Variants in RAI14 observed in about 807,000 individuals in gnomAD.
RAI14 encodes the protein ankycorbin.
In RAI14, 45 loss-of-function variants were observed where a neutral mutation model predicts 115.4. That is an observed-to-expected ratio of 0.39 (90% CI 0.31 to 0.50). RAI14 has a LOEUF of 0.50. RAI14 is among the 20% of genes least tolerant of loss of function. The probability of loss-of-function intolerance (pLI) is 0.85; values close to 1 mark genes in which losing one functional copy is unlikely to be tolerated. For synonymous variants in RAI14, 371 were observed against 415.4 expected, an observed-to-expected ratio of 0.89 and a Z score of 1.30; for missense variants, 939 against 1,131.2, an observed-to-expected ratio of 0.83 and a Z score of 2.44.
At position 34,695,792 on chromosome 5, in the gene RAI14, G is replaced by A. The variant is rs1739153515; in HGVS notation, c.36+8837G>A. 2.0e-5 allele frequency among the ~76,000 whole-genome samples: 3 copies of A among 146,388 alleles called. No individual in the cohort carries two copies. In the South Asian group the frequency reaches 6.7e-4, roughly 33 times the overall value. On this transcript the variant is annotated intron_variant, in intron 2 of 17. Transcript: ENST00000265109. ...AAAGAAGGAAAGTGAAAGTAAAGCA[G>A]AAGCACTTTCCTTTTTTTTTTTTTT...
intron 2 of RAI14, among the ~76,000 whole-genome samples, chr5:34,710,934 T>G (rs888634479): frequency 5.9e-5 from 9 of 152,228 alleles, no homozygotes; most frequent in African/African-American, 1.9e-4. Context: ...TGCAGTGAAT[T>G]CAGTTAAAAG....
chr5:34,771,712 T>C (rs1750180087), intron 3 of RAI14, among the ~76,000 whole-genome samples: 1 of 152,202 alleles, frequency 6.6e-6, no homozygotes. Flanking sequence ...ATGAAACCTC[T>C]CTTGCAGGCT....
chr5:34,688,401 G>T, intron 2 of RAI14: 1 of 702,424 alleles, frequency 1.4e-6, no homozygotes, highest in Non-Finnish European at 2.3e-6. Flanking sequence ...CATCAGTCTA[G>T]ACTTCCATAT....
chr5:34,662,956 G>A (rs1045559169), intron 1 of RAI14, among the ~76,000 whole-genome samples: 8 of 151,874 alleles, frequency 5.3e-5, no homozygotes, highest in Middle Eastern at 6.8e-3. Context: ...GGCTGGTCTC[G>A]AACTCCTGAC....
intron 3 of RAI14, among the ~76,000 whole-genome samples, chr5:34,780,007 TG>T (rs1561352666): frequency 6.6e-6 from 1 of 152,188 alleles, no homozygotes; most frequent in Non-Finnish European, 1.5e-5. Flanking sequence ...AGCACAGTAC[TG>T]GTACCAAAAC....
Position 34,742,477 on chromosome 5 carries a change from C to A in RAI14, c.37-14991C>A, listed in dbSNP as rs539853097. Reference sequence around the variant, plus strand: ...ACACCTAGGTGATTCTAATGTGCAGCCTTGAGCCATATTCTTTGAGAAACA... The same window carrying A: ...ACACCTAGGTGATTCTAATGTGCAGACTTGAGCCATATTCTTTGAGAAACA... On this transcript the variant is annotated intron_variant, in intron 2 of 17. Coordinates refer to ENST00000265109, the MANE Select transcript of RAI14 (RefSeq NM_015577.3). Among the ~76,000 whole-genome samples, 4 of 152,114 alleles carry A rather than the reference C, an allele frequency of 2.6e-5. No homozygotes were observed. In the East Asian group the frequency reaches 7.7e-4, roughly 29 times the overall value.
At chr5:34,703,675 G>C (rs1361417806) in intron 2 of RAI14, among the ~76,000 whole-genome samples, 1 of 152,164 alleles carries the variant, frequency 6.6e-6, no homozygotes, top group Non-Finnish European at 1.5e-5. Flanking sequence ...AACAACAACA[G>C]AAAGAATATA....
chr5:34,773,477 G>A (rs369856106), intron 3 of RAI14, among the ~76,000 whole-genome samples: 2 of 152,096 alleles, frequency 1.3e-5, no homozygotes, highest in African/African-American at 2.4e-5. Context: ...ACAACCTGTC[G>A]AATGAGAGAA....
At chr5:34,768,862 G>A (rs1487190653) in intron 3 of RAI14, among the ~76,000 whole-genome samples, 4 of 152,172 alleles carry the variant, frequency 2.6e-5, no homozygotes, top group South Asian at 2.1e-4. Flanking sequence ...GTAGATGCAC[G>A]CTTGTAATCC....
In RAI14 at chr5:34,722,349, G is replaced by A. The variant is rs76957284; in HGVS notation, c.37-35119G>A. On this transcript the variant is annotated intron_variant, in intron 2 of 17. Transcript: ENST00000265109. ...ACATGCACAGAGAAAAGTCCATGTG[G>A]TGACACAGTGAGCAGCTGTCTGCAA... Among the ~76,000 whole-genome samples the A allele has an allele frequency of 3.2e-3, 488 of 151,346 alleles. 1 individual carries two copies. Among genetic ancestry groups the A allele is most frequent in the African/African-American group, 0.011 (473 of 41,184 alleles).
intron 2 of RAI14, among the ~76,000 whole-genome samples, chr5:34,700,900 T>C (rs7709378): frequency 0.55 from 84,161 of 152,074 alleles, 24,003 homozygotes; most frequent in African/African-American, 0.69. Context: ...CCTGTGTTCC[T>C]TGGGCAGAAA....
chr5:34,719,044 G>A (rs975357408), intron 2 of RAI14, among the ~76,000 whole-genome samples: 6 of 152,184 alleles, frequency 3.9e-5, no homozygotes, highest in East Asian at 1.9e-4. Context: ...TTTTAGTGGC[G>A]TAAAACAAAT....
Position 34,823,392 on chromosome 5 carries a change from A to G in RAI14, c.1550A>G (p.Asp517Gly), listed in dbSNP as rs1757116443. 1.9e-6 allele frequency: 3 copies of G among 1,614,166 alleles called. No individual in the cohort carries two copies. The highest frequency in any genetic ancestry group is 1.7e-6 in the Non-Finnish European group (2 of 1,180,038). Reference protein sequence around the residue: ...KLGLVSPESMDNYSHFHELRV... With the variant: ...KLGLVSPESMGNYSHFHELRV... ...GGTCTTGTCTCACCTGAAAGCATGGATAATTATTCACATTTCCACGAGCTG... is the reference window on the plus strand; with the variant it reads ...GGTCTTGTCTCACCTGAAAGCATGGGTAATTATTCACATTTCCACGAGCTG... Residue 517 changes from aspartate (D) to glycine (G), a missense_variant, in exon 15 of 18, where the codon GAT (aspartate) becomes GGT (glycine). Coordinates refer to ENST00000265109, the MANE Select transcript of RAI14 (RefSeq NM_015577.3). This position sits in a 1 kb window ranked among gnomAD's most constrained non-coding sequence, Gnocchi z 4.5.
At chr5:34,764,448 G>A (rs1749077677) in intron 3 of RAI14, among the ~76,000 whole-genome samples, 1 of 152,046 alleles carries the variant, frequency 6.6e-6, no homozygotes, top group Non-Finnish European at 1.5e-5. Flanking sequence ...GTGAGACCCT[G>A]CATTTCCTAG....
Position 34,656,350 on chromosome 5 carries a change from G to C in RAI14, c.-174G>C, listed in dbSNP as rs964477095. The C allele has an allele frequency of 2.0e-5, 3 of 151,992 alleles. No homozygotes were observed. The highest frequency in any genetic ancestry group is 1.3e-4 in the Admixed American group (2 of 15,268). The allele number at this position is 151,992 out of a possible 1,614,324, so 9.4% of individuals were successfully genotyped here. A position where few individuals can be genotyped will look rare whatever the true frequency, so the allele number is the denominator to read the frequency against. ...CCCACTGACCCCCGCAGCGGGGGAG[G>C]AGGAGGGACTGCGGCGCAGGAAGCC... On this transcript the variant is annotated 5_prime_UTR_variant, in exon 1 of 18. Transcript: ENST00000265109.
intron 1 of RAI14, among the ~76,000 whole-genome samples, chr5:34,660,769 G>T (rs4703470): frequency 6.6e-6 from 1 of 150,676 alleles, no homozygotes; most frequent in East Asian, 1.9e-4. Flanking sequence ...TCAAATTGCT[G>T]GGCACATTCT....
chr5:34,813,510 A>G, intron 10 of RAI14, 64 bp from the exon 11 acceptor site: 1 of 1,116,824 alleles, frequency 9.0e-7, no homozygotes, highest in Admixed American at 2.1e-5. Context: ...TGATAAAGCT[A>G]CTTGCCCAGA....
At chr5:34,761,425 C>G (rs1748638367) in intron 3 of RAI14, among the ~76,000 whole-genome samples, 1 of 152,152 alleles carries the variant, frequency 6.6e-6, no homozygotes, top group South Asian at 2.1e-4. Context: ...GTGATCCTCC[C>G]ATGTCAGCTT....
intron 2 of RAI14, among the ~76,000 whole-genome samples, chr5:34,737,831 A>G (rs1022189390): frequency 2.0e-5 from 3 of 152,202 alleles, no homozygotes; most frequent in East Asian, 1.9e-4. Flanking sequence ...GCTGCTTCCA[A>G]CACATTTTAA....
Sources: gnomAD v4.1 joint callset for allele counts (sites outside exome capture counted in the v4.1 genomes callset) on GRCh38, gnomAD v4.1.1 for gene constraint, Gnocchi (gnomAD v3.1) non-coding constraint, MANE v1.5 for transcripts, NCBI Gene and HGNC (gene_info 2026-07-23, HGNC 2026-07-21) for gene names.